The following YTHDC1 variants were observed in gnomAD, a reference collection of about 807,000 sequenced individuals.
YTHDC1 encodes the protein YTH domain-containing protein 1.
In YTHDC1, 12 loss-of-function variants were observed where a neutral mutation model predicts 107.0. That is an observed-to-expected ratio of 0.11 (90% confidence interval 0.07 to 0.18). The LOEUF (loss-of-function observed/expected upper bound fraction) is 0.18, where lower values mean the gene tolerates loss of function less well. Ranked by LOEUF, YTHDC1 falls within the 10% of genes least tolerant of loss-of-function variation. The pLI is 1.00. For synonymous variants in YTHDC1, 280 were observed against 289.5 expected, an observed-to-expected ratio of 0.97 and a Z score of 0.33; for missense variants, 635 against 898.8, an observed-to-expected ratio of 0.71 and a Z score of 3.75.
Position 68,313,847 on chromosome 4 carries a change from A to G in YTHDC1, c.*252T>C. 2.0e-6 allele frequency: 1 copy of G among 503,504 alleles called. No individual in the cohort carries two copies. Among genetic ancestry groups the G allele is most frequent in the Admixed American group, 3.6e-5 (1 of 27,428 alleles). The allele number at this position is 503,504 out of a possible 1,614,324, so 31.2% of individuals were successfully genotyped here. A position where few individuals can be genotyped will look rare whatever the true frequency, so the allele number is the denominator to read the frequency against. On this transcript the variant is annotated 3_prime_UTR_variant, in exon 17 of 17. Coordinates refer to ENST00000344157, the MANE Select transcript of YTHDC1 (RefSeq NM_001031732.4). Reference sequence around the variant, plus strand: ...TTATGGAGAAAGAATCAGTATCTACATTCTTGGACTGTTCCATTCTGCCCC... The same window carrying G: ...TTATGGAGAAAGAATCAGTATCTACGTTCTTGGACTGTTCCATTCTGCCCC...
At chr4:68,333,741 TC>T (rs1441554146) in intron 4 of YTHDC1, among the ~76,000 whole-genome samples, 150 of 152,258 alleles carry the variant, frequency 9.9e-4, no homozygotes, top group African/African-American at 3.5e-3. Flanking sequence ...CTGTGTCCTT[TC>T]TACACACCAG....
chr4:68,346,051 A>G lies in YTHDC1; in HGVS notation c.28+3675T>C, dbSNP rs115205901. Among the ~76,000 whole-genome samples the G allele has an allele frequency of 6.2e-3, 894 of 145,338 alleles. 12 individuals are homozygous for G. Among genetic ancestry groups the G allele is most frequent in the African/African-American group, 0.022 (844 of 38,892 alleles). On this transcript the variant is annotated intron_variant, in intron 1 of 16. Transcript: ENST00000344157. ...TGTTTGTGTGCACGTGACTGTGTGC[A>G]TGTGTGTGCACATGACTGTGTGTGT...
intron 1 of YTHDC1, among the ~76,000 whole-genome samples, chr4:68,339,735 C>T (rs1197830955): frequency 6.6e-6 from 1 of 152,068 alleles, no homozygotes; most frequent in Admixed American, 6.5e-5. Flanking sequence ...TTATGTCAAA[C>T]TGCAAGTTAA....
intron 1 of YTHDC1, among the ~76,000 whole-genome samples, chr4:68,346,854 T>A (rs1324824782): frequency 2.0e-5 from 3 of 152,142 alleles, no homozygotes; most frequent in African/African-American, 7.2e-5. Flanking sequence ...GGTATATACA[T>A]ATAGAAAAAA....
intron 6 of YTHDC1, 21 bp from the exon 7 acceptor site, chr4:68,332,218 A>G: frequency 6.5e-7 from 1 of 1,539,882 alleles, no homozygotes; most frequent in Admixed American, 1.9e-5. Flanking sequence ...AAGAAACCCA[A>G]ATCGATTAAC....
Position 68,337,068 on chromosome 4 carries a change from G to C in YTHDC1, c.842C>G (p.Thr281Arg). Residue 281 changes from threonine to arginine, a missense_variant, in exon 4 of 17, where the codon ACA (threonine) becomes AGA (arginine). This residue lies in a region of YTHDC1 where 294 missense variants were observed against 312.3 expected (regional missense o/e 0.94). Coordinates refer to ENST00000344157, the MANE Select transcript of YTHDC1 (RefSeq NM_001031732.4). ...SDSGSESVSF[T>R]DGSVRSGSGT... ...TGAACCAGATCTGACAGACCCATCT[G>C]TGAAGGAAACAGATTCAGAACCAGA... The C allele has an allele frequency of 6.2e-7, 1 of 1,613,802 alleles. No individual in the cohort carries two copies. Among genetic ancestry groups the C allele is most frequent in the Non-Finnish European group, 8.5e-7 (1 of 1,179,850 alleles).
intron 12 of YTHDC1, among the ~76,000 whole-genome samples, chr4:68,319,073 C>T (rs1167996583): frequency 6.6e-6 from 1 of 152,098 alleles, no homozygotes; most frequent in Non-Finnish European, 1.5e-5. Context: ...TTGTAAACTG[C>T]TAGAGAAGCT....
chr4:68,316,522 T>C (rs1455737789), intron 15 of YTHDC1, 74 bp from the exon 16 acceptor site: 1 of 1,518,544 alleles, frequency 6.6e-7, no homozygotes, highest in African/African-American at 1.4e-5. Flanking sequence ...GAACCCTTCA[T>C]CCAAAACACC....
intron 12 of YTHDC1, among the ~76,000 whole-genome samples, chr4:68,319,462 T>C (rs763983381): frequency 2.6e-5 from 4 of 152,182 alleles, no homozygotes; most frequent in Non-Finnish European, 4.4e-5. Flanking sequence ...AAAAACTATT[T>C]TCACTTTCTA....
In YTHDC1 at chr4:68,322,872, G is replaced by C; in HGVS notation, c.1478C>G (p.Pro493Arg). Residue 493 changes from proline to arginine, a missense_variant, in exon 11 of 17, where the codon CCC (proline) becomes CGC (arginine). Physicochemically the swap from Pro to Arg is moderately radical, Grantham distance 103. This residue lies in a region of YTHDC1 where 256 missense variants were observed against 372.9 expected (regional missense o/e 0.69). Transcript: ENST00000344157. The surrounding 1 kb of genome is among the most constrained non-coding windows in gnomAD (Gnocchi z 4.8). ...ATACAAGTCAATACTTTCATCGGGG[G>C]GAAACAGAAGACAAAGCTGGGTTCC... ...ECGTQLCLLF[P>R]PDESIDLYQV... The C allele has an allele frequency of 6.2e-7, 1 of 1,613,832 alleles. No homozygotes were observed. Among genetic ancestry groups the C allele is most frequent in the Non-Finnish European group, 8.5e-7 (1 of 1,179,848 alleles).
chr4:68,337,034 A>G lies in YTHDC1; in HGVS notation c.876T>C (p.Asp292=), dbSNP rs1170184813. 1.9e-6 allele frequency: 3 copies of G among 1,608,360 alleles called. No homozygotes were observed. The highest frequency in any genetic ancestry group is 1.3e-5 in the African/African-American group (1 of 74,832). Residue 292 remains aspartate, a synonymous_variant, in exon 4 of 17, where the codon GAT becomes GAC. Transcript: ENST00000344157. ...ACATATAAAAAGTAGTACCTGATCC[A>G]TCTGTGCCTGAACCAGATCTGACAG... The part of the protein sequence containing the change: ...DGSVRSGSGT[D]GSDEKKKERK...
chr4:68,349,960 C>T lies in YTHDC1; in HGVS notation c.-207G>A, dbSNP rs1280824226. 1.0e-5 allele frequency: 7 copies of T among 697,288 alleles called. No individual in the cohort carries two copies. The highest frequency in any genetic ancestry group is 2.6e-5 in the Admixed American group (1 of 38,610). 43.2% of individuals were successfully genotyped at this position (697,288 alleles called of 1,614,324 possible). A position where few individuals can be genotyped will look rare whatever the true frequency, so the allele number is the denominator to read the frequency against. On this transcript the variant is annotated 5_prime_UTR_variant, in exon 1 of 17. Coordinates refer to ENST00000344157, the MANE Select transcript of YTHDC1 (RefSeq NM_001031732.4). Reference sequence around the variant, plus strand: ...TTCCTTTCACTCCAGCATCCAGCGGCCTAGGCCCAGCCTTCTCGTTAGGGC... The same window carrying T: ...TTCCTTTCACTCCAGCATCCAGCGGTCTAGGCCCAGCCTTCTCGTTAGGGC...
Position 68,312,139 on chromosome 4 carries a change from T to C in YTHDC1, c.*1960A>G, listed in dbSNP as rs1212443421. ...CCAAAACATTTATTAATTTATATAC[T>C]GTTTTTTCAAAAGTGATGAGGTGGT... On this transcript the variant is annotated 3_prime_UTR_variant, in exon 17 of 17. Coordinates refer to ENST00000344157, the MANE Select transcript of YTHDC1 (RefSeq NM_001031732.4). The C allele has an allele frequency of 1.3e-5, 2 of 152,176 alleles. No individual in the cohort carries two copies. Among genetic ancestry groups the C allele is most frequent in the African/African-American group, 4.8e-5 (2 of 41,438 alleles). The allele number at this position is 152,176 out of a possible 1,614,324, so 9.4% of individuals were successfully genotyped here. A position where few individuals can be genotyped will look rare whatever the true frequency, so the allele number is the denominator to read the frequency against.
chr4:68,310,820 G>A lies in YTHDC1; in HGVS notation c.*3279C>T, dbSNP rs1721249311. On this transcript the variant is annotated 3_prime_UTR_variant, in exon 17 of 17. Coordinates refer to ENST00000344157, the MANE Select transcript of YTHDC1 (RefSeq NM_001031732.4). ...CCTTCTTCAATTCCATGCCCCTGAG[G>A]ACTCTTAATGGTTAACATTATGACA... The A allele has an allele frequency of 6.6e-6, 1 of 152,208 alleles. No individual in the cohort carries two copies. The allele number at this position is 152,208 out of a possible 1,614,324, so 9.4% of individuals were successfully genotyped here.
chr4:68,331,893 C>T (rs1340084264), intron 7 of YTHDC1, among the ~76,000 whole-genome samples: 2 of 149,006 alleles, frequency 1.3e-5, no homozygotes, highest in African/African-American at 2.4e-5. Context: ...AATATTCTGA[C>T]CCCTAAAATC....
intron 11 of YTHDC1, among the ~76,000 whole-genome samples, chr4:68,321,866 T>C (rs966114063): frequency 6.6e-6 from 1 of 152,142 alleles, no homozygotes; most frequent in South Asian, 2.1e-4. Context: ...GGGGAAGGTG[T>C]TGGGTAGAAG....
chr4:68,326,013 T>C (rs1261699018), intron 9 of YTHDC1, among the ~76,000 whole-genome samples: 1 of 152,050 alleles, frequency 6.6e-6, no homozygotes, highest in Non-Finnish European at 1.5e-5. Context: ...GAGGCAGAGA[T>C]CTAGTTTTCT....
At chr4:68,315,453 T>C (rs887256768) in intron 16 of YTHDC1, among the ~76,000 whole-genome samples, 1 of 152,176 alleles carries the variant, frequency 6.6e-6, no homozygotes, top group African/African-American at 2.4e-5. Context: ...TTTGGCCCCA[T>C]ACAGACTCAT....
intron 1 of YTHDC1, among the ~76,000 whole-genome samples, chr4:68,341,367 T>C (rs1724783267): frequency 6.6e-6 from 1 of 152,166 alleles, no homozygotes; most frequent in African/African-American, 2.4e-5. Context: ...ATCTTTAACA[T>C]TACAACATTT....
Sources: allele counts gnomAD v4.1 joint callset (sites outside exome capture counted in the v4.1 genomes callset), GRCh38; gene constraint gnomAD v4.1.1; regional missense constraint gnomAD v4.1.1; non-coding constraint Gnocchi (gnomAD v3.1); transcripts MANE v1.5; gene names NCBI Gene and HGNC (gene_info 2026-07-23, HGNC 2026-07-21).